The following KRT75 variants were observed in gnomAD, a reference collection of about 807,000 sequenced individuals.
KRT75 encodes keratin, type II cytoskeletal 75.
KRT75 carries 35 observed loss-of-function variants against 48.8 expected under a neutral mutation model. That is an observed-to-expected ratio of 0.72 (90% CI 0.55 to 0.95). The LOEUF (loss-of-function observed/expected upper bound fraction) is 0.95, where lower values mean the gene tolerates loss of function less well. Ranked by LOEUF, KRT75 falls within the 40% of genes least tolerant of loss-of-function variation. The pLI, the probability that KRT75 is intolerant of heterozygous loss-of-function variation, is 0.00. For synonymous variants in KRT75, 301 were observed against 282.3 expected (o/e 1.07, Z -0.66); for missense variants, 776 against 709.9 (o/e 1.09, Z -1.06).
intron 5 of KRT75, among the ~76,000 whole-genome samples, chr12:52,429,747 C>T (rs1309310935): frequency 1.3e-5 from 2 of 152,176 alleles, no homozygotes; most frequent in African/African-American, 2.4e-5. Flanking sequence ...CACCACACTC[C>T]TGACCAGAAG....
chr12:52,426,847 T>C lies in KRT75; in HGVS notation c.1387A>G (p.Ser463Gly), dbSNP rs559651566. The part of the protein sequence containing the change: ...KLLEGEECRL[S>G]GEGVSPVNIS... ...TTAACTGGAGAAACTCCCTCTCCAC[T>C]CAACCTGATTGGGAAGAGCAGGGAG... The change falls in exon 8 of 9, where the codon AGT becomes GGT. Residue 463 changes from serine to glycine, a missense_variant. Coordinates refer to ENST00000252245, the MANE Select transcript of KRT75 (RefSeq NM_004693.3). The C allele has an allele frequency of 6.2e-7, 1 of 1,614,114 alleles. No homozygotes were observed. Among genetic ancestry groups the C allele is most frequent in the East Asian group, 2.2e-5 (1 of 44,878 alleles).
chr12:52,430,663 C>T lies in KRT75; in HGVS notation c.913G>A (p.Val305Met), dbSNP rs746086978. 1 of 1,614,138 alleles carries T rather than the reference C, an allele frequency of 6.2e-7. No individual in the cohort carries two copies. The highest frequency in any genetic ancestry group is 8.5e-7 in the Non-Finnish European group (1 of 1,180,014). The change falls in exon 5 of 9, where the codon GTG becomes ATG. Residue 305 changes from valine to methionine, a missense_variant. Val to Met is a conservative substitution (Grantham distance 21). Transcript: ENST00000252245. ...TTGCGGTTGTTGTCCATGGACAGCACCACGGATGTGTCACCGACCTGGGTC... is the reference window on the plus strand; with the variant it reads ...TTGCGGTTGTTGTCCATGGACAGCATCACGGATGTGTCACCGACCTGGGTC... ...LQTQVGDTSV[V>M]LSMDNNRNLD...
Position 52,428,892 on chromosome 12 carries a change from G to C in KRT75, c.1036-149C>G. On this transcript the variant is annotated intron_variant, in intron 5 of 8. Transcript: ENST00000252245. ...CCCTGAAGCTTACAGTTTATTGGGG[G>C]ACATAGACATTAACTGAATTAGCAT... 5.5e-6 allele frequency: 5 copies of C among 916,074 alleles called. No homozygotes were observed. In the Admixed American group the frequency reaches 5.6e-5, roughly 10 times the overall value. The allele number at this position is 916,074 out of a possible 1,614,324, so 56.7% of individuals were successfully genotyped here.
chr12:52,433,041 A>C lies in KRT75; in HGVS notation c.710T>G (p.Val237Gly). The C allele has an allele frequency of 6.8e-6, 11 of 1,612,694 alleles. No individual in the cohort carries two copies. The highest frequency in any genetic ancestry group is 9.3e-6 in the Non-Finnish European group (11 of 1,179,816). ...NMQDVVEDFK[V>G]RYEDEINKRT... ...CAGAAGCCAGTCTCCCACTTACCTG[A>C]CTTTGAAATCTTCCACAACATCCTG... The change falls in exon 2 of 9, where the codon GTC becomes GGC. Residue 237 changes from valine to glycine, a missense_variant. Coordinates refer to ENST00000252245, the MANE Select transcript of KRT75 (RefSeq NM_004693.3).
Position 52,428,705 on chromosome 12 carries a change from A to T in KRT75, c.1074T>A (p.Asp358Glu). ...TCTCTTGTTTGGTGTTTCGAAGGTC[A>T]TCCCCATGTCTGCCTGCGGTGACCT... ...ELQVTAGRHG[D>E]DLRNTKQEIS... The change falls in exon 6 of 9, where the codon GAT becomes GAA. Residue 358 changes from aspartate to glutamate, a missense_variant. Asp to Glu is a conservative substitution (Grantham distance 45). Coordinates refer to ENST00000252245, the MANE Select transcript of KRT75 (RefSeq NM_004693.3). 1 of 1,614,186 alleles carries T rather than the reference A, an allele frequency of 6.2e-7. No individual in the cohort carries two copies.
Position 52,433,060 on chromosome 12 carries a change from C to T in KRT75, c.691G>A (p.Val231Ile), listed in dbSNP as rs1308485687. 1.9e-6 allele frequency: 3 copies of T among 1,614,070 alleles called. No homozygotes were observed. The highest frequency in any genetic ancestry group is 1.7e-5 in the Admixed American group (1 of 60,018). Reference protein sequence around the residue: ...LEAELRNMQDVVEDFKVRYED... With the variant: ...LEAELRNMQDIVEDFKVRYED... Reference sequence around the variant, plus strand: ...TACCTGACTTTGAAATCTTCCACAACATCCTGCATGTTCCTCAGTTCAGCT... The same window carrying T: ...TACCTGACTTTGAAATCTTCCACAATATCCTGCATGTTCCTCAGTTCAGCT... The change falls in exon 2 of 9, where the codon GTT becomes ATT. Residue 231 changes from valine (V) to isoleucine (I), a missense_variant. Physicochemically the swap from Val to Ile is conservative, Grantham distance 29. Coordinates refer to ENST00000252245, the MANE Select transcript of KRT75 (RefSeq NM_004693.3).
intron 2 of KRT75, among the ~76,000 whole-genome samples, chr12:52,432,619 A>G (rs1050668037): frequency 2.6e-5 from 4 of 152,206 alleles, no homozygotes; most frequent in Admixed American, 6.5e-5. Context: ...TTCCCCCCAC[A>G]AGAAAAGTCA....
In KRT75 at chr12:52,434,172, C is replaced by T. The variant is rs564601720; in HGVS notation, c.133G>A (p.Gly45Arg). 13 of 1,612,816 alleles carry T rather than the reference C, an allele frequency of 8.1e-6. No individual in the cohort carries two copies. Among genetic ancestry groups the T allele is most frequent in the Middle Eastern group, 1.7e-4 (1 of 6,054 alleles). ...VSVARSAAGS[G>R]GLGRISSAGA... ...GCACTGCTGATCCTTCCCAGGCCCC[C>T]ACTCCCTGCTGCAGAGCGGGCCACA... Residue 45 changes from glycine (G) to arginine (R), a missense_variant, in exon 1 of 9, where the codon GGG becomes AGG. Gly to Arg is a moderately radical substitution (Grantham distance 125). Coordinates refer to ENST00000252245, the MANE Select transcript of KRT75 (RefSeq NM_004693.3).
rs779536375 is a variant in KRT75, at chr12:52,433,960, C to A, written c.345G>T (p.Val115=). Residue 115 remains valine (V), a synonymous_variant, in exon 1 of 9, where the codon GTG becomes GTT. Transcript: ENST00000252245. ...GGGFSGPSFP[V]CPPGGIQEVT... is the part of the protein sequence containing the mutation. ...CCTCTTGGATGCCTCCAGGGGGACACACGGGGAAGCTGGGGCCACTGAAGC... is the reference window on the plus strand; with the variant it reads ...CCTCTTGGATGCCTCCAGGGGGACAAACGGGGAAGCTGGGGCCACTGAAGC... The A allele has an allele frequency of 1.2e-6, 2 of 1,614,166 alleles. No homozygotes were observed. Among genetic ancestry groups the A allele is most frequent in the Non-Finnish European group, 1.7e-6 (2 of 1,180,020 alleles).
At position 52,434,121 on chromosome 12, in the gene KRT75, G is replaced by T; in HGVS notation, c.184C>A (p.Leu62Ile). Residue 62 changes from leucine to isoleucine, a missense_variant, in exon 1 of 9, where the codon CTC becomes ATC. By Grantham distance (5) the Leu-to-Ile change is conservative. Coordinates refer to ENST00000252245, the MANE Select transcript of KRT75 (RefSeq NM_004693.3). ...SAGASFGSRS[L>I]YNLGGAKRVS... Reference sequence around the variant, plus strand: ...CGCTTGGCACCCCCCAGGTTGTAGAGGCTGCGGCTTCCAAAGCTGGCCCCA... The same window carrying T: ...CGCTTGGCACCCCCCAGGTTGTAGATGCTGCGGCTTCCAAAGCTGGCCCCA... The T allele has an allele frequency of 6.2e-7, 1 of 1,614,140 alleles. No homozygotes were observed. The highest frequency in any genetic ancestry group is 8.5e-7 in the Non-Finnish European group (1 of 1,180,022).
In KRT75 at chr12:52,428,728, C is replaced by A; in HGVS notation, c.1051G>T (p.Val351Phe). 1.2e-6 allele frequency: 2 copies of A among 1,614,114 alleles called. No individual in the cohort carries two copies. The highest frequency in any genetic ancestry group is 1.7e-6 in the Non-Finnish European group (2 of 1,180,028). ...TCATCCCCATGTCTGCCTGCGGTGACCTGCAGCTCCTCGTACTGAGAGAAC... is the reference window on the plus strand; with the variant it reads ...TCATCCCCATGTCTGCCTGCGGTGAACTGCAGCTCCTCGTACTGAGAGAAC... ...WYQTKYEELQ[V>F]TAGRHGDDLR... Residue 351 changes from valine (V) to phenylalanine (F), a missense_variant, in exon 6 of 9, where the codon GTC (valine) becomes TTC (phenylalanine). By Grantham distance (50) the Val-to-Phe change is conservative. Coordinates refer to ENST00000252245, the MANE Select transcript of KRT75 (RefSeq NM_004693.3).
chr12:52,424,465 G>A lies in KRT75; in HGVS notation c.*52C>T. 2 of 1,487,780 alleles carry A rather than the reference G, an allele frequency of 1.3e-6. No homozygotes were observed. Among genetic ancestry groups the A allele is most frequent in the South Asian group, 1.1e-5 (1 of 88,592 alleles). The allele number at this position is 1,487,780 out of a possible 1,614,324, so 92.2% of individuals were successfully genotyped here. ...GAAGGAGGAGGACCCTGGTGTCCAG[G>A]TGTGACTGCAAACAGGCCTCAAGGC... On this transcript the variant is annotated 3_prime_UTR_variant, in exon 9 of 9. Transcript: ENST00000252245.
At position 52,431,418 on chromosome 12, in the gene KRT75, C is replaced by A. The variant is rs552388057; in HGVS notation, c.870+125G>T. On this transcript the variant is annotated intron_variant, in intron 4 of 8. Transcript: ENST00000252245. ...TCCCTGGTCCCCCTACCACCCAAGC[C>A]CCAGCTTGAAGTATCCAAGCAAGAT... 4.4e-5 allele frequency: 35 copies of A among 796,540 alleles called. No homozygotes were observed. The African/African-American group carries it at 4.5e-4, about 10-fold the overall frequency. The allele number at this position is 796,540 out of a possible 1,614,324, so 49.3% of individuals were successfully genotyped here.
At position 52,433,978 on chromosome 12, in the gene KRT75, A is replaced by G. The variant is rs769773050; in HGVS notation, c.327T>C (p.Ser109=). 1 of 1,614,138 alleles carries G rather than the reference A, an allele frequency of 6.2e-7. No homozygotes were observed. Among genetic ancestry groups the G allele is most frequent in the Admixed American group, 1.7e-5 (1 of 60,026 alleles). ...GGGGACACACGGGGAAGCTGGGGCC[A>G]CTGAAGCCTCCTCCAACTCCACCCC... The part of the protein sequence containing the change: ...GYGGGVGGGF[S]GPSFPVCPPG... The change falls in exon 1 of 9, where the codon AGT becomes AGC. Residue 109 remains serine (S), a synonymous_variant. Transcript: ENST00000252245.
chr12:52,433,869 G>T lies in KRT75; in HGVS notation c.436C>A (p.Arg146=). The change falls in exon 1 of 9, where the codon CGG becomes AGG. Residue 146 remains arginine (R), a synonymous_variant. Transcript: ENST00000252245. ...LQIDPTIQRV[R]AEEREQIKTL... is the part of the protein sequence containing the mutation. ...TTGATCTGCTCGCGCTCCTCGGCCC[G>T]CACCCGCTGGATGGTGGGGTCGATT... 6 of 1,614,100 alleles carry T rather than the reference G, an allele frequency of 3.7e-6. No individual in the cohort carries two copies. The highest frequency in any genetic ancestry group is 2.2e-5 in the East Asian group (1 of 44,878).
chr12:52,432,945 G>A, intron 2 of KRT75, 93 bp downstream of exon 2: 1 of 1,288,562 alleles, frequency 7.8e-7, no homozygotes, highest in South Asian at 1.2e-5. Flanking sequence ...GCTCCCGGCT[G>A]ATATCGGCAT....
intron 5 of KRT75, 40 bp from the exon 6 acceptor site, chr12:52,428,783 C>T (rs763857295): frequency 6.2e-7 from 1 of 1,612,934 alleles, no homozygotes; most frequent in South Asian, 1.1e-5. Context: ...GAGTCAAATG[C>T]CTGGCCCAGG....
In KRT75 at chr12:52,424,862, G is replaced by A. The variant is rs73306546; in HGVS notation, c.1418-107C>T. ...CCTTGGGTGGGGAGGGGGTGGTCTC[G>A]TCAGCCAGCAGTTTGCCTCCTTCCA... On this transcript the variant is annotated intron_variant, in intron 8 of 8. Coordinates refer to ENST00000252245, the MANE Select transcript of KRT75 (RefSeq NM_004693.3). 6.5e-3 allele frequency: 5,725 copies of A among 876,964 alleles called. 207 individuals carry two copies. In the African/African-American group the frequency reaches 0.08, roughly 12 times the overall value. The allele number at this position is 876,964 out of a possible 1,614,324, so 54.3% of individuals were successfully genotyped here.
At chr12:52,428,886 T>C (rs895506187) in intron 5 of KRT75, 143 bp from the exon 6 acceptor site, 6 of 966,642 alleles carry the variant, frequency 6.2e-6, no homozygotes, top group South Asian at 2.6e-5. Flanking sequence ...TTACAGTTTA[T>C]TGGGGGACAT....
Sources: allele counts gnomAD v4.1 joint callset (sites outside exome capture counted in the v4.1 genomes callset), GRCh38; gene constraint gnomAD v4.1.1; transcripts MANE v1.5; gene names NCBI Gene and HGNC (gene_info 2026-07-23, HGNC 2026-07-21).